Variants in POU6F2 observed in about 807,000 individuals in gnomAD.
The protein encoded by POU6F2 is POU class 6 homeobox 2, also known as POU domain, class 6, transcription factor 2.
Under a neutral mutation model 71.3 loss-of-function variants are expected in POU6F2, and 31 were observed. The ratio of observed to expected loss-of-function variants is 0.43; its 90% CI spans 0.33 to 0.59. The LOEUF is 0.59. Ranked by LOEUF, POU6F2 falls within the 20% of genes least tolerant of loss-of-function variation. POU6F2 has a pLI of 0.04. For missense variants in POU6F2, 783 were observed against 856.8 expected (o/e 0.91, Z 1.07); for synonymous variants, 347 against 355.7 (o/e 0.98, Z 0.27).
At chr7:39,142,062 A>G (rs954653533) in intron 2 of POU6F2, among the ~76,000 whole-genome samples, 1 of 152,110 alleles carries the variant, frequency 6.6e-6, no homozygotes, top group African/African-American at 2.4e-5. Context: ...ACTCCAGCCT[A>G]GGTGACAGAG....
chr7:39,198,905 C>T (rs1487172958), intron 2 of POU6F2, among the ~76,000 whole-genome samples: 2 of 152,184 alleles, frequency 1.3e-5, no homozygotes, highest in African/African-American at 2.4e-5. Flanking sequence ...AGCTGGGATT[C>T]TCACACCCAA....
chr7:38,986,809 T>G (rs1449232058), intron 1 of POU6F2, among the ~76,000 whole-genome samples: 1 of 152,192 alleles, frequency 6.6e-6, no homozygotes, highest in Non-Finnish European at 1.5e-5. Flanking sequence ...CCAGAGATTT[T>G]CTGTGCATGT....
Position 39,024,334 on chromosome 7 carries a change from G to C in POU6F2, c.105+46276G>C, listed in dbSNP as rs572459342. The stretch of plus-strand genomic sequence containing the variant: ...CTGTTATTGGTGTGTAAGAATGCTT[G>C]TGATTTTTGTACATTGATTTTGTAT... On this transcript the variant is annotated intron_variant, in intron 1 of 9. Transcript: ENST00000518318. 8.7e-4 allele frequency among the ~76,000 whole-genome samples: 132 copies of C among 152,024 alleles called. 1 individual carries two copies. Among genetic ancestry groups the C allele is most frequent in the African/African-American group, 3.0e-3 (125 of 41,478 alleles).
chr7:39,245,386 G>A (rs1275145352), intron 4 of POU6F2, among the ~76,000 whole-genome samples: 1 of 152,124 alleles, frequency 6.6e-6, no homozygotes, highest in African/African-American at 2.4e-5. Flanking sequence ...TTACACCTAG[G>A]CATTGGGGTC....
chr7:39,120,452 A>G (rs989248080), intron 2 of POU6F2, among the ~76,000 whole-genome samples: 3 of 152,234 alleles, frequency 2.0e-5, no homozygotes, highest in Non-Finnish European at 4.4e-5. Context: ...AATACTACAC[A>G]TAATATATTT....
intron 2 of POU6F2, among the ~76,000 whole-genome samples, chr7:39,189,720 C>A (rs1170972119): frequency 6.6e-6 from 1 of 151,576 alleles, no homozygotes; most frequent in Non-Finnish European, 1.5e-5. Flanking sequence ...AAATTGGCTT[C>A]ATTTTTCCTA....
chr7:39,145,781 AT>A, intron 2 of POU6F2, among the ~76,000 whole-genome samples: 1 of 152,250 alleles, frequency 6.6e-6, no homozygotes, highest in South Asian at 2.1e-4. Flanking sequence ...TTCTTATTGT[AT>A]TATGTTTTCT....
At chr7:39,066,987 T>C (rs1790768709) in intron 1 of POU6F2, among the ~76,000 whole-genome samples, 1 of 147,970 alleles carries the variant, frequency 6.8e-6, no homozygotes, top group South Asian at 2.1e-4. Context: ...ATATATGCAT[T>C]GTATATAATT....
At chr7:39,043,243 A>G (rs1200000231) in intron 1 of POU6F2, among the ~76,000 whole-genome samples, 1 of 151,998 alleles carries the variant, frequency 6.6e-6, no homozygotes, top group African/African-American at 2.4e-5. Flanking sequence ...TTTTTATGTA[A>G]AAATGGTAAG....
intron 5 of POU6F2, among the ~76,000 whole-genome samples, chr7:39,364,614 G>C (rs147525301): frequency 6.6e-6 from 1 of 152,298 alleles, no homozygotes; most frequent in East Asian, 1.9e-4. Context: ...TTTTATGGCT[G>C]AGTAGTATTC....
chr7:39,104,045 G>T (rs1791626734), intron 2 of POU6F2, among the ~76,000 whole-genome samples: 1 of 152,230 alleles, frequency 6.6e-6, no homozygotes, highest in African/African-American at 2.4e-5. Flanking sequence ...AACTGGGAAA[G>T]CTAGAGCAAA....
chr7:39,428,258 T>G (rs1788018688), intron 6 of POU6F2, among the ~76,000 whole-genome samples: 3 of 152,236 alleles, frequency 2.0e-5, no homozygotes, highest in Admixed American at 1.3e-4. Context: ...ATGAACTTTA[T>G]TCCTCTTTTG....
intron 1 of POU6F2, among the ~76,000 whole-genome samples, chr7:39,063,167 C>T (rs144290098): frequency 1.1e-4 from 17 of 152,108 alleles, no homozygotes; most frequent in African/African-American, 3.1e-4. Flanking sequence ...ATATGATTTA[C>T]GGTAAAAATC....
chr7:39,315,936 A>G (rs1298249818), intron 4 of POU6F2, among the ~76,000 whole-genome samples: 1 of 152,212 alleles, frequency 6.6e-6, no homozygotes, highest in East Asian at 1.9e-4. Flanking sequence ...TCTTTTTGAT[A>G]TACTTCTCCT....
chr7:39,006,924 T>C, intron 1 of POU6F2: 3 of 1,525,246 alleles, frequency 2.0e-6, no homozygotes, highest in South Asian at 1.1e-5. Context: ...AAATTTATAA[T>C]CTGTGAGTTT....
intron 5 of POU6F2, among the ~76,000 whole-genome samples, chr7:39,374,121 G>T (rs1183479689): frequency 6.6e-6 from 1 of 152,068 alleles, no homozygotes; most frequent in African/African-American, 2.4e-5. Context: ...GTGAAAAGTC[G>T]CATTAGATTT....
At chr7:38,992,099 T>C (rs956987715) in intron 1 of POU6F2, among the ~76,000 whole-genome samples, 15 of 152,186 alleles carry the variant, frequency 9.9e-5, no homozygotes, top group Non-Finnish European at 2.1e-4. Flanking sequence ...TCTAGAGGTA[T>C]GTCCTGGCCT....
intron 5 of POU6F2, among the ~76,000 whole-genome samples, chr7:39,397,568 C>G (rs1787199755): frequency 6.7e-6 from 1 of 148,874 alleles, no homozygotes; most frequent in Non-Finnish European, 1.5e-5. Flanking sequence ...TCTGGACTTA[C>G]TGCAACCTTC....
At chr7:39,454,691 T>C (rs1234741741) in intron 8 of POU6F2, among the ~76,000 whole-genome samples, 1 of 42,208 alleles carries the variant, frequency 2.4e-5, no homozygotes. Flanking sequence ...TATATATATA[T>C]ATATATATAT....
Sources: allele counts gnomAD v4.1 joint callset (sites outside exome capture counted in the v4.1 genomes callset), GRCh38; gene constraint gnomAD v4.1.1; transcripts MANE v1.5; gene names NCBI Gene and HGNC (gene_info 2026-07-23, HGNC 2026-07-21).